Variants in SHROOM3 observed in about 807,000 individuals in gnomAD.
SHROOM3 encodes the protein shroom family member 3, also known as protein Shroom3.
Under a neutral mutation model 138.6 loss-of-function variants are expected in SHROOM3, and 47 were observed. The observed-to-expected ratio is 0.34, with a 90% CI of 0.27 to 0.43. The LOEUF is 0.43. SHROOM3 is among the 20% of genes least tolerant of loss of function. The probability of loss-of-function intolerance (pLI) is 1.00; values close to 1 mark genes in which losing one functional copy is unlikely to be tolerated. For synonymous variants in SHROOM3, 1,062 were observed against 1,063.3 expected (o/e 1.00, Z 0.02); for missense variants, 2,491 against 2,596.5 (o/e 0.96, Z 0.88).
chr4:76,689,158 G>A (rs1240266226), intron 2 of SHROOM3, among the ~76,000 whole-genome samples: 6 of 152,142 alleles, frequency 3.9e-5, no homozygotes, highest in Non-Finnish European at 7.4e-5. Flanking sequence ...CAGAGGGACT[G>A]AGGGTGTGTG....
chr4:76,676,111 G>A (rs949548239), intron 2 of SHROOM3, among the ~76,000 whole-genome samples: 1 of 152,120 alleles, frequency 6.6e-6, no homozygotes, highest in African/African-American at 2.4e-5. Flanking sequence ...AGTAGATCTC[G>A]TTGGGAATAC....
At chr4:76,518,964 C>T (rs1732505666) in intron 1 of SHROOM3, among the ~76,000 whole-genome samples, 1 of 152,128 alleles carries the variant, frequency 6.6e-6, no homozygotes, top group Non-Finnish European at 1.5e-5. Context: ...CCTAACACTG[C>T]CTCTCTCTGC....
At chr4:76,616,691 AGCTATTGCTTAATGGT>A (rs1348604484) in intron 2 of SHROOM3, among the ~76,000 whole-genome samples, 1 of 152,174 alleles carries the variant, frequency 6.6e-6, no homozygotes, top group East Asian at 1.9e-4. Context: ...GGAAAGGGAG[AGCTATTGCTTAATGGT>A]GACTTTCAGT....
chr4:76,658,620 T>G (rs1367368701), intron 2 of SHROOM3, among the ~76,000 whole-genome samples: 1 of 152,070 alleles, frequency 6.6e-6, no homozygotes, highest in Non-Finnish European at 1.5e-5. Context: ...AAATGTTACA[T>G]CAAGCATTCC....
intron 1 of SHROOM3, among the ~76,000 whole-genome samples, chr4:76,471,300 G>A (rs557678472): frequency 2.7e-5 from 4 of 150,220 alleles, no homozygotes; most frequent in African/African-American, 9.8e-5. Flanking sequence ...CTGGAGTGCA[G>A]TGGCGTGATC....
chr4:76,467,433 TG>T, intron 1 of SHROOM3, among the ~76,000 whole-genome samples: 1 of 152,150 alleles, frequency 6.6e-6, no homozygotes, highest in East Asian at 1.9e-4. Flanking sequence ...GTGGTCCCTC[TG>T]GGATTCAAAC....
Position 76,739,399 on chromosome 4 carries a change from A to G in SHROOM3, c.1226A>G (p.Gln409Arg). Residue 409 changes from glutamine (Q) to arginine (R), a missense_variant, in exon 5 of 11, where the codon CAG (glutamine) becomes CGG (arginine). By Grantham distance (43) the Gln-to-Arg change is conservative. Transcript: ENST00000296043. Reference protein sequence around the residue: ...ERPSSWSSLDQKRLCRPQANS... With the variant: ...ERPSSWSSLDRKRLCRPQANS... Reference sequence around the variant, plus strand: ...CCCAGCTCCTGGTCTAGCCTTGATCAGAAACGGCTCTGCCGGCCTCAGGCA... The same window carrying G: ...CCCAGCTCCTGGTCTAGCCTTGATCGGAAACGGCTCTGCCGGCCTCAGGCA... 6.2e-7 allele frequency: 1 copy of G among 1,614,124 alleles called. No homozygotes were observed. The highest frequency in any genetic ancestry group is 8.5e-7 in the Non-Finnish European group (1 of 1,180,042).
At chr4:76,686,620 C>A (rs1719343259) in intron 2 of SHROOM3, among the ~76,000 whole-genome samples, 1 of 151,994 alleles carries the variant, frequency 6.6e-6, no homozygotes, top group Non-Finnish European at 1.5e-5. Flanking sequence ...TCTCACAGGT[C>A]CCTCCCAACT....
At position 76,741,617 on chromosome 4, in the gene SHROOM3, G is replaced by A. The variant is rs1324659792; in HGVS notation, c.3444G>A (p.Gln1148=). 1.3e-6 allele frequency: 2 copies of A among 1,540,208 alleles called. No homozygotes were observed. The highest frequency in any genetic ancestry group is 1.4e-5 in the African/African-American group (1 of 73,240). The change falls in exon 5 of 11, where the codon CAG becomes CAA. Residue 1148 remains glutamine, a synonymous_variant. Coordinates refer to ENST00000296043, the MANE Select transcript of SHROOM3 (RefSeq NM_020859.4). This position sits in a 1 kb window ranked among gnomAD's most constrained non-coding sequence, Gnocchi z 6.2. ...GCTCACTGCGGGAGCCCAGCCTGCA[G>A]CCCCGCAGGGAGGCCACGCTCCTGC... is the stretch of plus-strand genomic sequence containing the variant. ...SLSSLREPSL[Q]PRREATLLPA...
intron 2 of SHROOM3, among the ~76,000 whole-genome samples, chr4:76,597,336 C>T (rs534848459): frequency 3.3e-5 from 5 of 152,158 alleles, no homozygotes; most frequent in Non-Finnish European, 7.4e-5. Flanking sequence ...AGAGTGAAGT[C>T]ATAGACAAAA....
chr4:76,737,397 T>C (rs1304070477), intron 4 of SHROOM3, among the ~76,000 whole-genome samples: 1 of 152,162 alleles, frequency 6.6e-6, no homozygotes, highest in Non-Finnish European at 1.5e-5. Context: ...CATCCGTGTG[T>C]GGGTTTTTGT....
intron 1 of SHROOM3, among the ~76,000 whole-genome samples, chr4:76,489,165 C>A (rs4859682): frequency 0.33 from 49,736 of 152,102 alleles, 9,664 homozygotes; most frequent in Non-Finnish European, 0.45. Flanking sequence ...AAAAGAAGCC[C>A]AGTCATGTGA....
chr4:76,552,594 T>C (rs374027421), intron 1 of SHROOM3, among the ~76,000 whole-genome samples: 5 of 150,394 alleles, frequency 3.3e-5, no homozygotes, highest in Non-Finnish European at 7.4e-5. Flanking sequence ...TATATACATA[T>C]ATCTATATAC....
chr4:76,621,830 CTTT>C (rs1437662557), intron 2 of SHROOM3, among the ~76,000 whole-genome samples: 8 of 133,328 alleles, frequency 6.0e-5, no homozygotes, highest in Non-Finnish European at 6.5e-5. Context: ...TTTGAATGTT[CTTT>C]TTTTTTTTTT....
chr4:76,639,658 A>G (rs17322529), intron 2 of SHROOM3: 183,721 of 398,106 alleles, frequency 0.46, 43,995 homozygotes, highest in Middle Eastern at 0.55. Flanking sequence ...TGAGGGCTTC[A>G]TGGGCCTGTG....
intron 2 of SHROOM3, among the ~76,000 whole-genome samples, chr4:76,578,695 T>C (rs1189110456): frequency 1.3e-5 from 2 of 152,222 alleles, no homozygotes; most frequent in African/African-American, 4.8e-5. Context: ...GAACCTTTTG[T>C]GGGTGTTAGA....
Position 76,436,000 on chromosome 4 carries a change from C to G in SHROOM3, c.-53C>G. On this transcript the variant is annotated 5_prime_UTR_variant, in exon 1 of 11. Coordinates refer to ENST00000296043, the MANE Select transcript of SHROOM3 (RefSeq NM_020859.4). ...ACTTGTGCTGTAGAAGCACTGCTTG[C>G]CTGAGTTTGCTTCAGGCATTTTAAA... is the stretch of plus-strand genomic sequence containing the variant. The G allele has an allele frequency of 7.5e-6, 12 of 1,602,112 alleles. No individual in the cohort carries two copies. Among genetic ancestry groups the G allele is most frequent in the Non-Finnish European group, 1.0e-5 (12 of 1,170,860 alleles).
intron 2 of SHROOM3, among the ~76,000 whole-genome samples, chr4:76,703,351 A>C (rs1244686758): frequency 6.6e-6 from 1 of 152,232 alleles, no homozygotes; most frequent in East Asian, 1.9e-4. Flanking sequence ...GACAGGACCC[A>C]GAAGGTTAAG....
intron 1 of SHROOM3, among the ~76,000 whole-genome samples, chr4:76,533,216 G>A (rs1732869216): frequency 6.6e-6 from 1 of 152,180 alleles, no homozygotes; most frequent in South Asian, 2.1e-4. Context: ...ATTATTATTT[G>A]TCCTCATATA....
Sources: allele counts gnomAD v4.1 joint callset (sites outside exome capture counted in the v4.1 genomes callset), GRCh38; gene constraint gnomAD v4.1.1; non-coding constraint Gnocchi (gnomAD v3.1); transcripts MANE v1.5; gene names NCBI Gene and HGNC (gene_info 2026-07-23, HGNC 2026-07-21).